Variants in SMC2 observed in about 807,000 individuals in gnomAD.
The protein encoded by SMC2 is structural maintenance of chromosomes protein 2.
A neutral mutation model predicts 142.6 loss-of-function variants in SMC2; 41 were observed. The ratio of observed to expected loss-of-function variants is 0.29; its 90% CI spans 0.22 to 0.37. The LOEUF is 0.37. SMC2 is among the 10% of genes least tolerant of loss of function. SMC2 has a pLI of 1.00. For missense variants in SMC2, 1,265 were observed against 1,373.7 expected (o/e 0.92, Z 1.25); for synonymous variants, 463 against 457.5 (o/e 1.01, Z -0.15).
chr9:104,089,571 T>C (rs1829962143), upstream of SMC2, among the ~76,000 whole-genome samples: 1 of 151,922 alleles, frequency 6.6e-6, no homozygotes, highest in African/African-American at 2.4e-5. Flanking sequence ...AGCATGCAAG[T>C]GATAAAAGCC....
In SMC2 at chr9:104,124,925, G is replaced by T; in HGVS notation, c.2271G>T (p.Glu757Asp). The change falls in exon 18 of 25, where the codon GAG becomes GAT. Residue 757 changes from glutamate (E) to aspartate (D), a missense_variant. Transcript: ENST00000374793. ...ALKKTIEESE[E>D]TLKNTKEIQR... ...TTTGTGATGCAGAGGAAAGTGAGGA[G>T]ACTTTGAAAAACACTAAAGAAATCC... 6.3e-7 allele frequency: 1 copy of T among 1,589,486 alleles called. No individual in the cohort carries two copies.
intron 10 of SMC2, among the ~76,000 whole-genome samples, chr9:104,112,225 T>A (rs1832540553): frequency 6.6e-6 from 1 of 152,240 alleles, no homozygotes; most frequent in Non-Finnish European, 1.5e-5. Context: ...TTGCCTGCCA[T>A]ACCTAGTTCT....
intron 3 of SMC2, among the ~76,000 whole-genome samples, chr9:104,097,628 T>A (rs1274691013): frequency 6.6e-6 from 1 of 152,060 alleles, no homozygotes; most frequent in East Asian, 1.9e-4. Context: ...ACTAATAATC[T>A]ACCTAATTGT....
chr9:104,119,110 GC>G (rs2131440715), intron 15 of SMC2, among the ~76,000 whole-genome samples: 1 of 152,226 alleles, frequency 6.6e-6, no homozygotes, highest in South Asian at 2.1e-4. Context: ...ACTTAATGTT[GC>G]TCTCGGCCAC....
chr9:104,121,921 A>G (rs982044621), intron 16 of SMC2, among the ~76,000 whole-genome samples: 10 of 152,122 alleles, frequency 6.6e-5, no homozygotes, highest in Admixed American at 6.5e-5. Context: ...CACCCGGCTA[A>G]TTTTTGTATT....
intron 24 of SMC2, 89 bp from the exon 25 acceptor site, chr9:104,139,050 C>T (rs1467717724): frequency 1.3e-6 from 1 of 759,284 alleles, no homozygotes; most frequent in Non-Finnish European, 2.0e-6. Context: ...ATAAAATTAT[C>T]TCCAAACCAT....
chr9:104,099,233 C>G (rs1264774845), intron 4 of SMC2, among the ~76,000 whole-genome samples: 1 of 151,934 alleles, frequency 6.6e-6, no homozygotes, highest in African/African-American at 2.4e-5. Flanking sequence ...TGTTTGAGGC[C>G]TAGAAGTATG....
rs1835982272 is a variant in SMC2 at position 104,140,626 on chromosome 9, T to G, written c.*1311T>G. On this transcript the variant is annotated 3_prime_UTR_variant, in exon 25 of 25. Coordinates refer to ENST00000374793, the MANE Select transcript of SMC2 (RefSeq NM_006444.3). ...CAGTAATTGATATTATGGGACACAT[T>G]GGAAAGGATTGAATCTGGAATTAGT... The G allele has an allele frequency of 6.6e-6, 1 of 152,594 alleles. No homozygotes were observed. Among genetic ancestry groups the G allele is most frequent in the African/African-American group, 2.4e-5 (1 of 41,454 alleles). The allele number at this position is 152,594 out of a possible 1,614,324, so 9.5% of individuals were successfully genotyped here.
chr9:104,130,183 C>T (rs1426075588), intron 21 of SMC2, among the ~76,000 whole-genome samples: 1 of 152,160 alleles, frequency 6.6e-6, no homozygotes, highest in African/African-American at 2.4e-5. Flanking sequence ...CTACTGTATA[C>T]TGAAACTATA....
intron 23 of SMC2, among the ~76,000 whole-genome samples, chr9:104,137,531 A>G (rs1323363771): frequency 2.0e-5 from 3 of 152,022 alleles, no homozygotes; most frequent in African/African-American, 7.3e-5. Flanking sequence ...CAAAAAATAT[A>G]TAGATTGTGT....
chr9:104,138,241 CAATGTT>C (rs1337887713), intron 24 of SMC2, 76 bp downstream of exon 24: 1 of 1,187,260 alleles, frequency 8.4e-7, no homozygotes, highest in Non-Finnish European at 1.2e-6. Flanking sequence ...AGTTAGTAGT[CAATGTT>C]AATAAGATAT....
chr9:104,114,712 T>A lies in SMC2; in HGVS notation c.1554T>A (p.Asn518Lys). The change falls in exon 13 of 25, where the codon AAT (asparagine) becomes AAA (lysine). Residue 518 changes from asparagine (N) to lysine (K), a missense_variant. Coordinates refer to ENST00000374793, the MANE Select transcript of SMC2 (RefSeq NM_006444.3). ...TCAGGGATCCAGAGAAGAACTGGAATAGAAATTGTGTGAAAGGACTTGTGG... is the reference window on the plus strand; with the variant it reads ...TCAGGGATCCAGAGAAGAACTGGAAAAGAAATTGTGTGAAAGGACTTGTGG... ...FAYKDPEKNW[N>K]RNCVKGLVAS... 3 of 1,612,396 alleles carry A rather than the reference T, an allele frequency of 1.9e-6. No individual in the cohort carries two copies. Among genetic ancestry groups the A allele is most frequent in the Non-Finnish European group, 2.5e-6 (3 of 1,179,066 alleles).
At chr9:104,119,943 G>C in intron 15 of SMC2, 84 bp from the exon 16 acceptor site, 1 of 1,261,112 alleles carries the variant, frequency 7.9e-7, no homozygotes, top group Non-Finnish European at 1.1e-6. Flanking sequence ...ATCAATTTGA[G>C]TATAATTCTC....
At position 104,140,095 on chromosome 9, in the gene SMC2, T is replaced by C. The variant is rs1211121780; in HGVS notation, c.*780T>C. On this transcript the variant is annotated 3_prime_UTR_variant, in exon 25 of 25. Transcript: ENST00000374793. ...CAAATTTATCTGAAGTTTGTTAATA[T>C]TTTCCAAGATTTTTGTCAGCCTTTT... 1 of 152,142 alleles carries C rather than the reference T, an allele frequency of 6.6e-6. No individual in the cohort carries two copies. The highest frequency in any genetic ancestry group is 2.4e-5 in the African/African-American group (1 of 41,454). The allele number at this position is 152,142 out of a possible 1,614,324, so 9.4% of individuals were successfully genotyped here.
intron 6 of SMC2, 45 bp downstream of exon 6, chr9:104,100,248 T>G (rs1431880939): frequency 6.9e-7 from 1 of 1,451,014 alleles, no homozygotes; most frequent in Non-Finnish European, 9.4e-7. Flanking sequence ...AATGTAATTT[T>G]GCATGTAGAG....
intron 22 of SMC2, 89 bp from the exon 23 acceptor site, chr9:104,134,326 G>C (rs1835302046): frequency 2.2e-6 from 2 of 914,096 alleles, no homozygotes; most frequent in Non-Finnish European, 3.2e-6. Flanking sequence ...AGACAAAGTA[G>C]ACCTGCTGTG....
intron 20 of SMC2, among the ~76,000 whole-genome samples, chr9:104,127,707 T>C (rs914151145): frequency 3.3e-5 from 5 of 152,202 alleles, no homozygotes; most frequent in African/African-American, 1.2e-4. Flanking sequence ...TTTTCCCATC[T>C]ACAGGATGTA....
chr9:104,123,193 A>G lies in SMC2; in HGVS notation c.2218A>G (p.Lys740Glu). The G allele has an allele frequency of 6.2e-7, 1 of 1,612,904 alleles. No homozygotes were observed. Among genetic ancestry groups the G allele is most frequent in the South Asian group, 1.1e-5 (1 of 90,942 alleles). Residue 740 changes from lysine (K) to glutamate (E), a missense_variant, in exon 17 of 25, where the codon AAG becomes GAG. Coordinates refer to ENST00000374793, the MANE Select transcript of SMC2 (RefSeq NM_006444.3). ...QTKLQQSSYH[K>E]QQEELDALKK... ...CAAGCTCCAGCAAAGCTCATATCAC[A>G]AGCAACAAGAAGAATTAGATGCCCT...
In SMC2 at chr9:104,094,310, A is replaced by G. The variant is rs1830194173; in HGVS notation, c.-229A>G. 1.3e-5 allele frequency: 5 copies of G among 398,562 alleles called. No homozygotes were observed. Among genetic ancestry groups the G allele is most frequent in the Non-Finnish European group, 2.2e-5 (5 of 226,100 alleles). The allele number at this position is 398,562 out of a possible 1,614,324, so 24.7% of individuals were successfully genotyped here. A position where few individuals can be genotyped will look rare whatever the true frequency, so the allele number is the denominator to read the frequency against. On this transcript the variant is annotated 5_prime_UTR_variant, in exon 1 of 25. Coordinates refer to ENST00000374793, the MANE Select transcript of SMC2 (RefSeq NM_006444.3). ...GGTCCTTTGCTCGCGCCGAAATTCA[A>G]AGGAATAAATAGTTCCGGCGCGGGT... is the stretch of plus-strand genomic sequence containing the variant.
Sources: allele counts gnomAD v4.1 joint callset (sites outside exome capture counted in the v4.1 genomes callset), GRCh38; gene constraint gnomAD v4.1.1; transcripts MANE v1.5; gene names NCBI Gene and HGNC (gene_info 2026-07-23, HGNC 2026-07-21).